The following MTNAP1 variants were observed in gnomAD, a reference collection of about 807,000 sequenced individuals.
MTNAP1 encodes the protein mitochondrial nucleoid-associated protein 1.
At chr17:73,242,145 C>A in the MTNAP1 span, 1 of 687,504 alleles carries the variant, frequency 1.5e-6, no homozygotes, top group Non-Finnish European at 2.4e-6. Flanking sequence ...TTAGAATATG[C>A]TCTTCCTGAG....
chr17:73,248,606 C>T, the MTNAP1 span: 399 of 1,470,228 alleles, frequency 2.7e-4, 3 homozygotes, highest in African/African-American at 4.6e-3. Flanking sequence ...CCATCCATCC[C>T]GCAGAAGAGG....
chr17:73,232,625 A>C, the MTNAP1 span: 4 of 259,862 alleles, frequency 1.5e-5, no homozygotes, highest in East Asian at 7.2e-5. Flanking sequence ...AGACGGCCTG[A>C]CGAGGTTCCT....
the MTNAP1 span, chr17:73,235,775 T>C: frequency 1.2e-6 from 2 of 1,614,186 alleles, no homozygotes; most frequent in Non-Finnish European, 1.7e-6. Flanking sequence ...CTGCCAGCTG[T>C]TGGTTTGGAA....
chr17:73,237,333 G>A, the MTNAP1 span, among the ~76,000 whole-genome samples: 1 of 152,194 alleles, frequency 6.6e-6, no homozygotes, highest in African/African-American at 2.4e-5. Context: ...CTATTTGAGA[G>A]GCTAAAGTGG....
the MTNAP1 span, chr17:73,236,579 A>C: frequency 6.2e-7 from 1 of 1,614,228 alleles, no homozygotes; most frequent in South Asian, 1.1e-5. Context: ...TACCAGTTTC[A>C]TTCTGTATCG....
chr17:73,235,955 A>C, the MTNAP1 span: 2 of 1,614,122 alleles, frequency 1.2e-6, no homozygotes, highest in African/African-American at 2.7e-5. Context: ...GATTTGCCTA[A>C]ATCAGGAGAA....
the MTNAP1 span, among the ~76,000 whole-genome samples, chr17:73,237,719 G>C: frequency 6.9e-6 from 1 of 144,640 alleles, no homozygotes. Context: ...TAGGTTCTAA[G>C]TTTACAGGAC....
the MTNAP1 span, chr17:73,235,856 A>G: frequency 6.2e-7 from 1 of 1,614,190 alleles, no homozygotes; most frequent in Admixed American, 1.7e-5. Flanking sequence ...ATGTTAAAAA[A>G]TACTAAACCA....
chr17:73,245,221 A>T, the MTNAP1 span: 1 of 1,613,232 alleles, frequency 6.2e-7, no homozygotes, highest in South Asian at 1.1e-5. Flanking sequence ...AAAGCTCTGG[A>T]ACAGCAAAGG....
At chr17:73,234,031 G>C in the MTNAP1 span, among the ~76,000 whole-genome samples, 3 of 152,282 alleles carry the variant, frequency 2.0e-5, no homozygotes, top group South Asian at 4.1e-4. Flanking sequence ...AGTGGTTTCA[G>C]TCACCCTTTT....
chr17:73,240,676 T>G, the MTNAP1 span, among the ~76,000 whole-genome samples: 1 of 152,210 alleles, frequency 6.6e-6, no homozygotes, highest in African/African-American at 2.4e-5. Flanking sequence ...AACTCATTCC[T>G]TTGGTACTTA....
the MTNAP1 span, among the ~76,000 whole-genome samples, chr17:73,240,450 C>T: frequency 6.6e-6 from 1 of 152,182 alleles, no homozygotes; most frequent in East Asian, 1.9e-4. Context: ...GCCCTGATCC[C>T]TCCATTGGCC....
At chr17:73,236,356 G>C in the MTNAP1 span, 2 of 1,613,940 alleles carry the variant, frequency 1.2e-6, no homozygotes, top group Non-Finnish European at 1.7e-6. Flanking sequence ...TAAAATCCAA[G>C]TCATGGAGAA....
At chr17:73,248,572 T>C in the MTNAP1 span, 1 of 1,548,852 alleles carries the variant, frequency 6.5e-7, no homozygotes, top group East Asian at 2.4e-5. Context: ...TGAGAATCCA[T>C]ACACGTAATC....
the MTNAP1 span, chr17:73,247,162 A>G: frequency 2.3e-6 from 3 of 1,303,874 alleles, no homozygotes; most frequent in Non-Finnish European, 3.3e-6. Flanking sequence ...GTTTCACACA[A>G]CAACAGCAAA....
At chr17:73,235,797 T>G in the MTNAP1 span, 4 of 1,614,036 alleles carry the variant, frequency 2.5e-6, no homozygotes, top group Non-Finnish European at 3.4e-6. Flanking sequence ...GAGCAGCTAC[T>G]ACAAAGGCAG....
At chr17:73,238,936 T>TGTG in the MTNAP1 span, among the ~76,000 whole-genome samples, 1 of 150,346 alleles carries the variant, frequency 6.7e-6, no homozygotes, top group African/African-American at 2.5e-5. Flanking sequence ...TGTGTGTGTG[T>TGTG]TTTGTTTTTT....
chr17:73,243,078 T>TTTTTTTTTTTC, the MTNAP1 span: 4 of 234,906 alleles, frequency 1.7e-5, no homozygotes, highest in African/African-American at 4.8e-4. Context: ...ATTCTCTGAA[T>TTTTTTTTTTTC]TTTTTTTTTT....
chr17:73,244,580 A>AC, the MTNAP1 span: 1 of 151,324 alleles, frequency 6.6e-6, no homozygotes, highest in Non-Finnish European at 1.5e-5. Flanking sequence ...AAAAAAAAAA[A>AC]AAACCACCAG....
Sources: allele counts gnomAD v4.1 joint callset (sites outside exome capture counted in the v4.1 genomes callset), GRCh38; gene constraint gnomAD v4.1.1; transcripts MANE v1.5; gene names NCBI Gene and HGNC (gene_info 2026-07-23, HGNC 2026-07-21).